Variants in SPMAP2L observed in about 807,000 individuals in gnomAD.
SPMAP2L encodes the protein sperm microtubule associated protein 2 like.
chr4:56,550,494 G>A, the SPMAP2L span, among the ~76,000 whole-genome samples: 2 of 152,102 alleles, frequency 1.3e-5, no homozygotes, highest in African/African-American at 4.8e-5. Context: ...AGGTTGTCAG[G>A]TGGCTGAGGA....
chr4:56,592,705 CG>C, the SPMAP2L span, among the ~76,000 whole-genome samples: 2 of 152,036 alleles, frequency 1.3e-5, no homozygotes, highest in African/African-American at 4.8e-5. Context: ...GCCGCGGGGT[CG>C]GGGGCGGCCG....
At chr4:56,621,767 T>C in the SPMAP2L span, among the ~76,000 whole-genome samples, 1 of 152,246 alleles carries the variant, frequency 6.6e-6, no homozygotes, top group African/African-American at 2.4e-5. Flanking sequence ...TCTCATTTCA[T>C]TTGCTGTATA....
the SPMAP2L span, among the ~76,000 whole-genome samples, chr4:56,620,748 T>C: frequency 0.031 from 4,793 of 152,334 alleles, 159 homozygotes; most frequent in African/African-American, 0.081. Flanking sequence ...GCATGCATTC[T>C]GCTGTGGAAA....
the SPMAP2L span, among the ~76,000 whole-genome samples, chr4:56,562,087 G>A: frequency 2.0e-5 from 3 of 152,082 alleles, no homozygotes. Flanking sequence ...TTATAGCACG[G>A]GGGCAAAGGC....
chr4:56,563,417 T>C, the SPMAP2L span, among the ~76,000 whole-genome samples: 144,721 of 151,932 alleles, frequency 0.95, 69,009 homozygotes, highest in Middle Eastern at 0.97. Flanking sequence ...TATTAAGGCT[T>C]TTGATGCTCA....
chr4:56,563,909 T>C, the SPMAP2L span, among the ~76,000 whole-genome samples: 2 of 152,318 alleles, frequency 1.3e-5, no homozygotes, highest in African/African-American at 2.4e-5. Context: ...ATAGAATCAA[T>C]TGGAGAGTAT....
At chr4:56,536,291 C>G in the SPMAP2L span, among the ~76,000 whole-genome samples, 1 of 152,368 alleles carries the variant, frequency 6.6e-6, no homozygotes, top group East Asian at 1.9e-4. Flanking sequence ...TACTACTCCC[C>G]TGTCGGTTTT....
chr4:56,577,303 G>A, the SPMAP2L span, among the ~76,000 whole-genome samples: 12 of 152,114 alleles, frequency 7.9e-5, no homozygotes, highest in Admixed American at 7.9e-4. Flanking sequence ...TACTCAGGTG[G>A]CAGAGGCACA....
the SPMAP2L span, among the ~76,000 whole-genome samples, chr4:56,562,725 G>A: frequency 2.6e-3 from 384 of 149,376 alleles, 3 homozygotes; most frequent in African/African-American, 8.9e-3. Context: ...ATTTTAAAAG[G>A]CAACAAAAAT....
At chr4:56,577,581 G>T in the SPMAP2L span, among the ~76,000 whole-genome samples, 2 of 151,898 alleles carry the variant, frequency 1.3e-5, no homozygotes, top group South Asian at 4.1e-4. Flanking sequence ...GTGAGACTCT[G>T]TCTCAAAATA....
chr4:56,575,877 T>G, the SPMAP2L span, among the ~76,000 whole-genome samples: 1 of 152,202 alleles, frequency 6.6e-6, no homozygotes, highest in South Asian at 2.1e-4. Context: ...ACCTTACCAT[T>G]GTTAGCCAGT....
At chr4:56,611,979 T>C in the SPMAP2L span, among the ~76,000 whole-genome samples, 31,204 of 152,148 alleles carry the variant, frequency 0.21, 3,807 homozygotes, top group African/African-American at 0.33. Context: ...CAAATGCAAG[T>C]GTCTCCCTTG....
At chr4:56,531,941 C>G in the SPMAP2L span, among the ~76,000 whole-genome samples, 2 of 152,108 alleles carry the variant, frequency 1.3e-5, no homozygotes, top group Non-Finnish European at 2.9e-5. Context: ...TGTCTTCCAC[C>G]ATTCCATTGG....
chr4:56,548,163 A>C, the SPMAP2L span, among the ~76,000 whole-genome samples: 1 of 152,204 alleles, frequency 6.6e-6, no homozygotes, highest in Admixed American at 6.5e-5. Flanking sequence ...AAATTTTGCC[A>C]ATTTGCCAGT....
At chr4:56,547,562 TAC>T in the SPMAP2L span, among the ~76,000 whole-genome samples, 1 of 152,210 alleles carries the variant, frequency 6.6e-6, no homozygotes, top group Non-Finnish European at 1.5e-5. Context: ...CAGTAATCTT[TAC>T]ACAGACCTAT....
chr4:56,593,234 A>G, the SPMAP2L span: 821 of 1,283,480 alleles, frequency 6.4e-4, 2 homozygotes, highest in South Asian at 1.7e-3. Context: ...GGACATGGCC[A>G]GTGCATCCCT....
At chr4:56,610,592 A>G in the SPMAP2L span, among the ~76,000 whole-genome samples, 2 of 152,220 alleles carry the variant, frequency 1.3e-5, no homozygotes, top group South Asian at 2.1e-4. Flanking sequence ...AAAAACAAAG[A>G]TAAATAGCTG....
chr4:56,600,317 C>T, the SPMAP2L span, among the ~76,000 whole-genome samples: 50 of 151,928 alleles, frequency 3.3e-4, no homozygotes, highest in East Asian at 9.7e-3. Context: ...TTATTTGAGA[C>T]AGAGTCTCAC....
At chr4:56,625,300 A>T in the SPMAP2L span, among the ~76,000 whole-genome samples, 1 of 152,176 alleles carries the variant, frequency 6.6e-6, no homozygotes, top group Non-Finnish European at 1.5e-5. Flanking sequence ...ACAGGCTCAT[A>T]GGAGGAAGGG....
Sources: allele counts gnomAD v4.1 joint callset (sites outside exome capture counted in the v4.1 genomes callset), GRCh38; gene constraint gnomAD v4.1.1; transcripts MANE v1.5; gene names NCBI Gene and HGNC (gene_info 2026-07-23, HGNC 2026-07-21).